Variants in MTREX observed in about 807,000 individuals in gnomAD.
MTREX encodes the protein exosome RNA helicase MTR4.
A neutral mutation model predicts 135.4 loss-of-function variants in MTREX; 76 were observed. The observed-to-expected ratio is 0.56, with a 90% confidence interval of 0.47 to 0.68. The LOEUF is 0.68. Among genes scored for constraint, MTREX ranks in the 30% least tolerant of loss-of-function variants. The pLI is 0.00. For synonymous variants in MTREX, 404 were observed against 401.6 expected (o/e 1.01, Z -0.07); for missense variants, 920 against 1,262.1 (o/e 0.73, Z 4.11).
intron 19 of MTREX, among the ~76,000 whole-genome samples, chr5:55,390,494 G>C (rs1302546484): frequency 6.6e-6 from 1 of 152,206 alleles, no homozygotes; most frequent in African/African-American, 2.4e-5. Context: ...GTGTGTCTGT[G>C]TGTAGAGGGC....
At chr5:55,393,790 C>G (rs774987645) in intron 19 of MTREX, among the ~76,000 whole-genome samples, 4 of 152,088 alleles carry the variant, frequency 2.6e-5, no homozygotes, top group Non-Finnish European at 5.9e-5. Flanking sequence ...GAATAAACTG[C>G]CATATGCAAA....
chr5:55,388,123 C>T (rs377372239), intron 19 of MTREX, 21 bp downstream of exon 19: 1 of 1,577,574 alleles, frequency 6.3e-7, no homozygotes, highest in Non-Finnish European at 8.7e-7. Context: ...AACTTTCTGT[C>T]TTCTGATTTC....
chr5:55,403,329 A>G (rs983072126), intron 21 of MTREX, among the ~76,000 whole-genome samples: 2 of 152,218 alleles, frequency 1.3e-5, no homozygotes, highest in East Asian at 1.9e-4. Flanking sequence ...GGCCAACTGT[A>G]TATCTGTGTT....
intron 5 of MTREX, among the ~76,000 whole-genome samples, chr5:55,330,856 T>C (rs1749464636): frequency 6.6e-6 from 1 of 152,128 alleles, no homozygotes; most frequent in East Asian, 1.9e-4. Context: ...CCACTGAAGC[T>C]GTGTTTATTT....
chr5:55,388,872 G>A (rs1750521920), intron 19 of MTREX, among the ~76,000 whole-genome samples: 1 of 152,076 alleles, frequency 6.6e-6, no homozygotes, highest in Non-Finnish European at 1.5e-5. Flanking sequence ...GTATTGGATA[G>A]GTCTTTTACA....
At chr5:55,348,812 T>A (rs1749779713) in intron 11 of MTREX, among the ~76,000 whole-genome samples, 1 of 152,258 alleles carries the variant, frequency 6.6e-6, no homozygotes, top group African/African-American at 2.4e-5. Context: ...TAACAAATGC[T>A]TAATACATAT....
At chr5:55,313,877 A>C (rs188755094) in intron 1 of MTREX, among the ~76,000 whole-genome samples, 299 of 152,194 alleles carry the variant, frequency 2.0e-3, no homozygotes, top group African/African-American at 5.0e-3. Context: ...TGTCTATCAG[A>C]TGTCTCCATT....
intron 1 of MTREX, among the ~76,000 whole-genome samples, chr5:55,321,639 T>G (rs1210997494): frequency 6.6e-6 from 1 of 150,400 alleles, no homozygotes; most frequent in Non-Finnish European, 1.5e-5. Context: ...GAGACAGTCT[T>G]GCTTTGTCTC....
At chr5:55,309,283 G>C (rs976900701) in intron 1 of MTREX, among the ~76,000 whole-genome samples, 1 of 152,140 alleles carries the variant, frequency 6.6e-6, no homozygotes, top group Non-Finnish European at 1.5e-5. Context: ...GAGGAGTTTT[G>C]ATTTCATTTT....
rs111770791 is a variant in MTREX, at chr5:55,323,322, G to T, written c.273-810G>T. On this transcript the variant is annotated intron_variant, in intron 2 of 26. Transcript: ENST00000230640. ...GTACGATAAGTAAGATAATAATCTA[G>T]CACAGAAATACATCTATTTTTCTTC... 5.4e-3 allele frequency among the ~76,000 whole-genome samples: 823 copies of T among 152,252 alleles called. 4 individuals carry two copies. Among genetic ancestry groups the T allele is most frequent in the African/African-American group, 0.019 (793 of 41,534 alleles).
intron 5 of MTREX, among the ~76,000 whole-genome samples, chr5:55,331,208 C>G (rs1749469456): frequency 6.6e-6 from 1 of 152,090 alleles, no homozygotes; most frequent in South Asian, 2.1e-4. Flanking sequence ...TCATTACAGA[C>G]TGTGTTTTCC....
chr5:55,345,048 T>C, intron 9 of MTREX, 46 bp from the exon 10 acceptor site: 1 of 1,114,958 alleles, frequency 9.0e-7, no homozygotes, highest in South Asian at 1.4e-5. Context: ...GTTTGAATTA[T>C]GATTAAGTAT....
chr5:55,317,569 C>T (rs1054394985), intron 1 of MTREX, among the ~76,000 whole-genome samples: 1 of 152,162 alleles, frequency 6.6e-6, no homozygotes, highest in Admixed American at 6.5e-5. Flanking sequence ...GGATAACTGG[C>T]TAGCCATATG....
At chr5:55,313,538 A>G (rs1277631236) in intron 1 of MTREX, among the ~76,000 whole-genome samples, 4 of 152,240 alleles carry the variant, frequency 2.6e-5, no homozygotes, top group African/African-American at 7.2e-5. Context: ...TTTGCAATTA[A>G]TAAGATATTG....
chr5:55,414,671 C>CA (rs1750939513), intron 24 of MTREX, among the ~76,000 whole-genome samples: 2 of 152,184 alleles, frequency 1.3e-5, no homozygotes, highest in Admixed American at 6.6e-5. Flanking sequence ...GTTTTTGAGA[C>CA]AGAGTCTCGC....
intron 14 of MTREX, among the ~76,000 whole-genome samples, chr5:55,355,928 C>A (rs1268713496): frequency 1.3e-5 from 2 of 152,234 alleles, no homozygotes; most frequent in Non-Finnish European, 2.9e-5. Flanking sequence ...ATAGAACACT[C>A]TTCAGCCAGC....
chr5:55,319,172 T>C (rs968133577), intron 1 of MTREX, among the ~76,000 whole-genome samples: 11 of 152,184 alleles, frequency 7.2e-5, no homozygotes, highest in African/African-American at 2.2e-4. Flanking sequence ...TTTCTGAAAA[T>C]GAGAGCATTC....
intron 1 of MTREX, among the ~76,000 whole-genome samples, chr5:55,322,081 T>C (rs1013566700): frequency 3.9e-5 from 6 of 152,186 alleles, no homozygotes; most frequent in Non-Finnish European, 7.3e-5. Context: ...TATTTAATAG[T>C]TATGTTAATG....
chr5:55,418,937 G>A (rs763691898), intron 25 of MTREX, among the ~76,000 whole-genome samples: 18 of 151,992 alleles, frequency 1.2e-4, no homozygotes, highest in Non-Finnish European at 2.1e-4. Context: ...TCCATCTCCC[G>A]GGCTTAAGTG....
Sources: allele counts gnomAD v4.1 joint callset (sites outside exome capture counted in the v4.1 genomes callset), GRCh38; gene constraint gnomAD v4.1.1; transcripts MANE v1.5; gene names NCBI Gene and HGNC (gene_info 2026-07-23, HGNC 2026-07-21).